Variants in RBM19 observed in about 807,000 individuals in gnomAD.
RBM19 encodes the protein probable RNA-binding protein 19.
In RBM19, 94 loss-of-function variants were observed where a neutral mutation model predicts 116.8. That is an observed-to-expected ratio of 0.80 (90% CI 0.68 to 0.95). RBM19 has a LOEUF of 0.95. Among genes scored for constraint, RBM19 ranks in the 40% least tolerant of loss-of-function variants. The probability of loss-of-function intolerance (pLI) is 0.00; values close to 1 mark genes in which losing one functional copy is unlikely to be tolerated. For missense variants in RBM19, 1,161 were observed against 1,220.7 expected (o/e 0.95, Z 0.73); for synonymous variants, 475 against 494.1 (o/e 0.96, Z 0.51).
intron 21 of RBM19, among the ~76,000 whole-genome samples, chr12:113,892,679 AAG>A (rs1315835113): frequency 1.3e-5 from 2 of 152,188 alleles, no homozygotes; most frequent in Non-Finnish European, 2.9e-5. Flanking sequence ...AGAGACGGGG[AAG>A]AGAGAATGCA....
In RBM19 at chr12:113,879,110, AC is replaced by A. The variant is rs536253616; in HGVS notation, c.2559-20215del. On this transcript the variant is annotated intron_variant, in intron 21 of 23. Coordinates refer to ENST00000261741, the MANE Select transcript of RBM19 (RefSeq NM_016196.4). ...CGCCAGCGTTCTGCCCCTCCTGGCC[AC>A]CCATCCTGCCCTGGGAGCTTGCTCA... 9.9e-5 allele frequency among the ~76,000 whole-genome samples: 15 copies of A among 152,160 alleles called. No individual in the cohort carries two copies. In the South Asian group the frequency reaches 3.1e-3, roughly 32 times the overall value.
In RBM19 at chr12:113,903,928, G is replaced by A. The variant is rs1474149402; in HGVS notation, c.2558+11041C>T. Among the ~76,000 whole-genome samples the A allele has an allele frequency of 2.6e-5, 4 of 152,204 alleles. No homozygotes were observed. Among genetic ancestry groups the A allele is most frequent in the Non-Finnish European group, 5.9e-5 (4 of 68,036 alleles). Reference sequence around the variant, plus strand: ...AGAGGAGTTGAGACCTCTGGGATCCGGACCATGGGATTCTGTTGAGCTACA... The same window carrying A: ...AGAGGAGTTGAGACCTCTGGGATCCAGACCATGGGATTCTGTTGAGCTACA... On this transcript the variant is annotated intron_variant, in intron 21 of 23. Coordinates refer to ENST00000261741, the MANE Select transcript of RBM19 (RefSeq NM_016196.4). The surrounding 1 kb of genome is among the most constrained non-coding windows in gnomAD (Gnocchi z 5.1).
intron 21 of RBM19, among the ~76,000 whole-genome samples, chr12:113,886,014 T>G (rs894259040): frequency 6.6e-6 from 1 of 151,028 alleles, no homozygotes; most frequent in Non-Finnish European, 1.5e-5. Flanking sequence ...GACTACAGGC[T>G]CCCCGCCACC....
intron 2 of RBM19, among the ~76,000 whole-genome samples, chr12:113,960,662 G>C (rs1039872297): frequency 6.6e-6 from 1 of 152,164 alleles, no homozygotes; most frequent in Admixed American, 6.5e-5. Flanking sequence ...TGTGAGGATG[G>C]CATGAGATGA....
intron 16 of RBM19, among the ~76,000 whole-genome samples, chr12:113,933,285 C>T (rs890612323): frequency 4.1e-5 from 6 of 146,456 alleles, no homozygotes; most frequent in African/African-American, 1.5e-4. Flanking sequence ...CCCCAGCCCT[C>T]GTTGTCCTCG....
At chr12:113,836,644 G>GT (rs1287630483) in intron 23 of RBM19, among the ~76,000 whole-genome samples, 1 of 152,074 alleles carries the variant, frequency 6.6e-6, no homozygotes, top group African/African-American at 2.4e-5. Flanking sequence ...TGCTTGAGCA[G>GT]TGAGTCCTCC....
intron 22 of RBM19, among the ~76,000 whole-genome samples, chr12:113,852,042 T>C (rs1293174090): frequency 9.3e-6 from 1 of 107,502 alleles, no homozygotes; most frequent in Non-Finnish European, 2.1e-5. Flanking sequence ...CAGAACGAGA[T>C]TGTCTCAAAA....
chr12:113,905,449 A>G (rs910722776), intron 21 of RBM19, among the ~76,000 whole-genome samples: 1 of 152,236 alleles, frequency 6.6e-6, no homozygotes. Flanking sequence ...ACAAAAATCA[A>G]TGCCAGATGG....
intron 22 of RBM19, among the ~76,000 whole-genome samples, chr12:113,854,765 C>G (rs1244458781): frequency 6.6e-6 from 1 of 152,154 alleles, no homozygotes; most frequent in Admixed American, 6.5e-5. Context: ...GTCTGGGCTT[C>G]CCATCAATTC....
rs554865844 is a variant in RBM19, at chr12:113,957,180, C to G, written c.840+602G>C. On this transcript the variant is annotated intron_variant, in intron 6 of 23. Coordinates refer to ENST00000261741, the MANE Select transcript of RBM19 (RefSeq NM_016196.4). ...ATCCACAGCCTGGCACCCCACTGGA[C>G]TAGCATCTCACTTTTAACTTAGTGT... Among the ~76,000 whole-genome samples, 4 of 152,230 alleles carry G rather than the reference C, an allele frequency of 2.6e-5. 1 individual carries two copies. The South Asian group carries it at 8.3e-4, about 31-fold the overall frequency.
intron 13 of RBM19, among the ~76,000 whole-genome samples, chr12:113,943,119 A>T (rs1870720823): frequency 6.6e-6 from 1 of 152,030 alleles, no homozygotes; most frequent in Non-Finnish European, 1.5e-5. Context: ...CTTAAGTGTC[A>T]CGTTGCTGAC....
chr12:113,860,072 G>A (rs576776878), intron 21 of RBM19, among the ~76,000 whole-genome samples: 10 of 152,308 alleles, frequency 6.6e-5, no homozygotes, highest in African/African-American at 2.4e-4. Flanking sequence ...ACGTCTCCTC[G>A]GAGCTCTCCC....
At chr12:113,862,799 T>C (rs1288485796) in intron 21 of RBM19, among the ~76,000 whole-genome samples, 2 of 152,294 alleles carry the variant, frequency 1.3e-5, no homozygotes, top group South Asian at 2.1e-4. Context: ...TAGCAATTAC[T>C]GTATCAGAAG....
At chr12:113,888,656 G>T (rs1030905119) in intron 21 of RBM19, among the ~76,000 whole-genome samples, 11 of 152,282 alleles carry the variant, frequency 7.2e-5, no homozygotes, top group Middle Eastern at 3.4e-3. Context: ...GCAGTGCTCA[G>T]CAGAGCAGTT....
chr12:113,960,322 A>G, intron 2 of RBM19, 144 bp from the exon 3 acceptor site: 4 of 1,039,868 alleles, frequency 3.8e-6, no homozygotes, highest in Non-Finnish European at 5.6e-6. Context: ...GTCACCCCTT[A>G]GCCTGGGCTT....
Position 113,937,123 on chromosome 12 carries a change from G to C in RBM19, c.1952C>G (p.Pro651Arg), listed in dbSNP as rs1480075527. ...HLAYSKFHHV[P>R]LYLEWAPVGV... Reference sequence around the variant, plus strand: ...AACTGGAGCCCACTCCAGATAGAGGGGGACATGATGGAACTGCAGAGACAA... The same window carrying C: ...AACTGGAGCCCACTCCAGATAGAGGCGGACATGATGGAACTGCAGAGACAA... Residue 651 changes from proline (P) to arginine (R), a missense_variant, in exon 16 of 24, where the codon CCC becomes CGC. Pro to Arg is a moderately radical substitution (Grantham distance 103, BLOSUM62 -2). Coordinates refer to ENST00000261741, the MANE Select transcript of RBM19 (RefSeq NM_016196.4). 2 of 1,614,118 alleles carry C rather than the reference G, an allele frequency of 1.2e-6. No individual in the cohort carries two copies. Among genetic ancestry groups the C allele is most frequent in the Admixed American group, 1.7e-5 (1 of 60,026 alleles).
At chr12:113,948,778 G>A (rs1253214440) in intron 10 of RBM19, 55 bp downstream of exon 10, 1 of 1,571,544 alleles carries the variant, frequency 6.4e-7, no homozygotes. Context: ...GTCAGAGTGA[G>A]AGCCCGGCTC....
chr12:113,870,225 T>TCCTGCTG (rs1177963141), intron 21 of RBM19, among the ~76,000 whole-genome samples: 4 of 152,170 alleles, frequency 2.6e-5, no homozygotes, highest in African/African-American at 7.2e-5. Flanking sequence ...TCACACCCAC[T>TCCTGCTG]CCTGCTGCCT....
chr12:113,933,604 G>T (rs1294304709), intron 16 of RBM19, among the ~76,000 whole-genome samples: 1 of 152,200 alleles, frequency 6.6e-6, no homozygotes, highest in Non-Finnish European at 1.5e-5. Context: ...CCTCTGGGAG[G>T]TAGGGGCTGT....
Sources: gnomAD v4.1 joint callset for allele counts (sites outside exome capture counted in the v4.1 genomes callset) on GRCh38, gnomAD v4.1.1 for gene constraint, Gnocchi (gnomAD v3.1) non-coding constraint, MANE v1.5 for transcripts, NCBI Gene and HGNC (gene_info 2026-07-23, HGNC 2026-07-21) for gene names.